Variants in CHODL observed in about 807,000 individuals in gnomAD.
CHODL encodes transmembrane protein MT75.
CHODL carries 29 observed loss-of-function variants against 34.5 expected under a neutral mutation model. That is an observed-to-expected ratio of 0.84 (90% confidence interval 0.63 to 1.15). CHODL has a LOEUF of 1.15. Among genes scored for constraint, CHODL ranks in the 50% most tolerant of loss-of-function variants. The pLI is 0.00. For missense variants in CHODL, 332 were observed against 332.5 expected (o/e 1.00, Z 0.01); for synonymous variants, 125 against 116.1 (o/e 1.08, Z -0.49).
In CHODL at chr21:18,265,980, A is replaced by C. The variant is rs1163948991; in HGVS notation, c.764A>C (p.Asn255Thr). 3 of 1,613,098 alleles carry C rather than the reference A, an allele frequency of 1.9e-6. No individual in the cohort carries two copies. Among genetic ancestry groups the C allele is most frequent in the Non-Finnish European group, 2.5e-6 (3 of 1,179,676 alleles). ...KSKGRTKTSP[N>T]QSTLWISKST... ...AAAGGAAGAACAAAAACTAGTCCAA[A>C]CCAGTCTACACTGTGGATTTCAAAG... Residue 255 changes from asparagine (N) to threonine (T), a missense_variant, in exon 6 of 6, where the codon AAC becomes ACC. Coordinates refer to ENST00000299295, the MANE Select transcript of CHODL (RefSeq NM_024944.3).
intron 2 of CHODL, among the ~76,000 whole-genome samples, chr21:18,140,106 A>G (rs574084675): frequency 6.6e-6 from 1 of 152,310 alleles, no homozygotes; most frequent in African/African-American, 2.4e-5. Flanking sequence ...GATTTAATAA[A>G]AATGGCTAGA....
chr21:17,961,275 A>G (rs1397218672), intron 1 of CHODL, among the ~76,000 whole-genome samples: 8 of 152,296 alleles, frequency 5.3e-5, no homozygotes, highest in Non-Finnish European at 1.0e-4. Context: ...TGAAGTGTCA[A>G]TTGTCCATAT....
chr21:18,018,207 C>A (rs935355479), intron 1 of CHODL, among the ~76,000 whole-genome samples: 1 of 152,138 alleles, frequency 6.6e-6, no homozygotes, highest in Non-Finnish European at 1.5e-5. Context: ...TGGGTTAATA[C>A]TTGAATGAGT....
upstream of CHODL, among the ~76,000 whole-genome samples, chr21:18,241,836 C>G (rs1424770748): frequency 6.6e-6 from 1 of 152,140 alleles, no homozygotes. Flanking sequence ...TGTTTCAGAG[C>G]CTCTGGAGAT....
At chr21:18,209,850 TA>T (rs2073754263) in intron 2 of CHODL, among the ~76,000 whole-genome samples, 1 of 152,144 alleles carries the variant, frequency 6.6e-6, no homozygotes, top group Non-Finnish European at 1.5e-5. Context: ...TGGGAGGACT[TA>T]GGACTCTGCC....
chr21:18,171,637 A>G (rs955098571), intron 2 of CHODL, among the ~76,000 whole-genome samples: 2 of 151,584 alleles, frequency 1.3e-5, no homozygotes, highest in Admixed American at 6.6e-5. Flanking sequence ...CATTCGTCCT[A>G]TTTCTTTGCA....
At chr21:18,055,491 G>T (rs1265436029) in intron 2 of CHODL, among the ~76,000 whole-genome samples, 2 of 152,010 alleles carry the variant, frequency 1.3e-5, no homozygotes, top group Non-Finnish European at 2.9e-5. Context: ...GGTTGAACAG[G>T]GTTTGAGGTT....
intron 1 of CHODL, among the ~76,000 whole-genome samples, chr21:17,951,107 CGTGTGT>C (rs3073722): frequency 0.17 from 25,381 of 148,966 alleles, 2,263 homozygotes; most frequent in Middle Eastern, 0.21. Context: ...TTACTCTATA[CGTGTGT>C]GTGTGTGTGT....
At chr21:18,167,211 C>CTGTGTGTGTGTGTGTG (rs71329776) in intron 2 of CHODL, among the ~76,000 whole-genome samples, 2 of 88,136 alleles carry the variant, frequency 2.3e-5, no homozygotes, top group Non-Finnish European at 4.9e-5. Flanking sequence ...TTCTCTCTCT[C>CTGTGTGTGTGTGTGTG]TGTGTGTGTG....
chr21:18,245,684 C>T (rs967076030), intron 1 of CHODL, among the ~76,000 whole-genome samples: 1 of 152,098 alleles, frequency 6.6e-6, no homozygotes, highest in Non-Finnish European at 1.5e-5. Context: ...AGAAGAGCCA[C>T]CGCAGAAATG....
chr21:18,108,838 TGTGTG>T (rs1218327509), intron 2 of CHODL, among the ~76,000 whole-genome samples: 21 of 44,252 alleles, frequency 4.7e-4, no homozygotes, highest in African/African-American at 1.3e-3. Context: ...TTTGCAATGT[TGTGTG>T]TGTGTGTGTG....
intron 2 of CHODL, among the ~76,000 whole-genome samples, chr21:18,097,086 CTG>C (rs2065149259): frequency 6.6e-6 from 1 of 152,118 alleles, no homozygotes; most frequent in Non-Finnish European, 1.5e-5. Context: ...ATAATCAAAG[CTG>C]TATATGACAG....
chr21:17,982,696 C>CTTTTTTTTTTT (rs397867753), intron 1 of CHODL, among the ~76,000 whole-genome samples: 72 of 62,950 alleles, frequency 1.1e-3, no homozygotes, highest in Non-Finnish European at 1.4e-3. Context: ...TATATATATT[C>CTTTTTTTTTTT]TTTTTTTTTT....
rs144540376 is a variant in CHODL at position 18,050,039 on chromosome 21, C to T, written c.-45+22068C>T. Reference sequence around the variant, plus strand: ...GAAAGTCAGTTAAGAGTTATGCAGACAAAAAATGAGGTAATTGCAGATGGT... The same window carrying T: ...GAAAGTCAGTTAAGAGTTATGCAGATAAAAAATGAGGTAATTGCAGATGGT... On this transcript the variant is annotated intron_variant, in intron 2 of 6. Coordinates refer to the CHODL transcript ENST00000400127. 4.1e-3 allele frequency among the ~76,000 whole-genome samples: 619 copies of T among 151,724 alleles called. 3 individuals are homozygous for T. The highest frequency in any genetic ancestry group is 0.014 in the African/African-American group (578 of 41,404).
chr21:18,064,877 G>C (rs2064713024), intron 2 of CHODL, among the ~76,000 whole-genome samples: 1 of 152,182 alleles, frequency 6.6e-6, no homozygotes, highest in Non-Finnish European at 1.5e-5. Context: ...GTTAAATTAA[G>C]TTAAAACAGA....
intron 1 of CHODL, among the ~76,000 whole-genome samples, chr21:17,933,631 C>G (rs2063294791): frequency 6.6e-6 from 1 of 151,340 alleles, no homozygotes; most frequent in Non-Finnish European, 1.5e-5. Flanking sequence ...ACTCCTATGT[C>G]TACTTCTTTC....
At position 17,984,823 on chromosome 21, in the gene CHODL, G is replaced by T. The variant is rs905218785; in HGVS notation, c.-144-43049G>T. 2.6e-5 allele frequency among the ~76,000 whole-genome samples: 4 copies of T among 152,080 alleles called. No homozygotes were observed. In the East Asian group the frequency reaches 5.8e-4, roughly 22 times the overall value. On this transcript the variant is annotated intron_variant, in intron 1 of 6. Transcript: ENST00000400127. ...GGTTTGAATATAACTTTATTTTCAGGAAATTGAATTTATTTACTTTCACAT... is the reference window on the plus strand; with the variant it reads ...GGTTTGAATATAACTTTATTTTCAGTAAATTGAATTTATTTACTTTCACAT...
At chr21:18,246,322 C>G (rs940309206) in intron 1 of CHODL, among the ~76,000 whole-genome samples, 15 of 152,128 alleles carry the variant, frequency 9.9e-5, no homozygotes, top group African/African-American at 3.4e-4. Context: ...TAGCCCTTTT[C>G]ACTTTTGTAC....
intron 2 of CHODL, among the ~76,000 whole-genome samples, chr21:18,104,810 A>G (rs988095): frequency 0.42 from 63,582 of 152,126 alleles, 14,083 homozygotes; most frequent in Non-Finnish European, 0.51. Context: ...GTGTCCTTTA[A>G]GTATAGAGGA....
Sources: gnomAD v4.1 joint callset for allele counts (sites outside exome capture counted in the v4.1 genomes callset) on GRCh38, gnomAD v4.1.1 for gene constraint, MANE v1.5 for transcripts, NCBI Gene and HGNC (gene_info 2026-07-23, HGNC 2026-07-21) for gene names.